UTY: variants seen among roughly 807,000 people sequenced by gnomAD.
UTY encodes the protein ubiquitously transcribed tetratricopeptide repeat containing, Y-linked, also known as histone demethylase UTY.
UTY carries 12 observed loss-of-function variants against 32.5 expected under a neutral mutation model. The observed-to-expected ratio is 0.37, with a 90% CI of 0.24 to 0.60. The LOEUF (loss-of-function observed/expected upper bound fraction) is 0.60. UTY is among the 20% of genes least tolerant of loss of function. UTY has a pLI of 0.69. For synonymous variants in UTY, 131 were observed against 103.4 expected (o/e 1.27, Z -1.62); for missense variants, 303 against 299.2 (o/e 1.01, Z -0.09).
At chrY:13,406,036 TA>T (rs2069919399) in intron 6 of UTY, among the ~76,000 whole-genome samples, 3 of 33,414 alleles carry the variant, frequency 9.0e-5, no homozygotes, top group African/African-American at 3.5e-4. Context: ...TTTATATAAT[TA>T]AAAGCAATTT....
chrY:13,282,795 G>A (rs949365507), intron 27 of UTY, among the ~76,000 whole-genome samples: 1 of 34,124 alleles, frequency 2.9e-5, no homozygotes, highest in Non-Finnish European at 7.4e-5. Context: ...TTCCCTGACC[G>A]GGAAACATGA....
intron 3 of UTY, among the ~76,000 whole-genome samples, chrY:13,469,653 T>C (rs752346441): frequency 3.0e-4 from 10 of 33,767 alleles, no homozygotes; most frequent in Non-Finnish European, 5.9e-4. Context: ...CACTGTATTC[T>C]AACCTGTATT....
At chrY:13,291,471 A>C (rs2057753703) in intron 27 of UTY, among the ~76,000 whole-genome samples, 3 of 33,358 alleles carry the variant, frequency 9.0e-5, no homozygotes, top group African/African-American at 3.6e-4. Context: ...AGAAAACCAA[A>C]CACCACATGT....
chrY:13,256,278 G>C, intron 28 of UTY, among the ~76,000 whole-genome samples: 5 of 33,614 alleles, frequency 1.5e-4, no homozygotes, highest in African/African-American at 5.8e-4. Flanking sequence ...AAAGGAGGCT[G>C]AGACAGAGTT....
At chrY:13,417,229 A>G in intron 4 of UTY, among the ~76,000 whole-genome samples, 1 of 33,589 alleles carries the variant, frequency 3.0e-5, no homozygotes, top group Non-Finnish European at 7.4e-5. Context: ...CTTTCAATAC[A>G]CAGTCAAAAT....
intron 8 of UTY, among the ~76,000 whole-genome samples, chrY:13,380,733 A>G: frequency 1.5e-4 from 5 of 32,719 alleles, no homozygotes; most frequent in African/African-American, 4.8e-4. Context: ...CAGCAATGAT[A>G]AATATTATCT....
intron 9 of UTY, among the ~76,000 whole-genome samples, chrY:13,367,374 A>G (rs1603441892): frequency 3.0e-5 from 1 of 33,352 alleles, no homozygotes; most frequent in African/African-American, 1.2e-4. Flanking sequence ...TCAAAGAGCC[A>G]TAAGAGTGGT....
chrY:13,252,142 T>A (rs2054263881), intron 28 of UTY, among the ~76,000 whole-genome samples: 1 of 21,383 alleles, frequency 4.7e-5, no homozygotes, highest in East Asian at 1.1e-3. Flanking sequence ...ATCCCGCCAC[T>A]GCACTCCAGC....
chrY:13,413,554 A>C, intron 5 of UTY, among the ~76,000 whole-genome samples: 2 of 34,605 alleles, frequency 5.8e-5, no homozygotes, highest in African/African-American at 2.3e-4. Context: ...GGGCTCAGAC[A>C]CCAGGACTCC....
intron 28 of UTY, among the ~76,000 whole-genome samples, chrY:13,256,328 T>C (rs2054718000): frequency 6.1e-5 from 2 of 33,027 alleles, no homozygotes; most frequent in East Asian, 8.1e-4. Context: ...CTCAAATAAA[T>C]AGAATAGATC....
chrY:13,345,161 T>C (rs2061796607), intron 17 of UTY, among the ~76,000 whole-genome samples: 1 of 33,281 alleles, frequency 3.0e-5, no homozygotes, highest in African/African-American at 1.2e-4. Flanking sequence ...CCCACTGCTG[T>C]TGTTGCAGGT....
chrY:13,440,121 G>A (rs1041035358), intron 4 of UTY, among the ~76,000 whole-genome samples: 2 of 32,453 alleles, frequency 6.2e-5, no homozygotes, highest in African/African-American at 1.2e-4. Context: ...CAGACCAGCC[G>A]ACCTCAGACC....
At chrY:13,263,921 C>T in intron 27 of UTY, among the ~76,000 whole-genome samples, 1 of 33,450 alleles carries the variant, frequency 3.0e-5, no homozygotes, top group Non-Finnish European at 7.4e-5. Flanking sequence ...TAATGCTATT[C>T]CTCCCCTAAC....
At chrY:13,354,904 A>C in intron 17 of UTY, 99 bp downstream of exon 17, 1 of 363,590 alleles carries the variant, frequency 2.8e-6, no homozygotes, top group Non-Finnish European at 3.8e-6. Context: ...TTTAAAGACA[A>C]AGCCATTCTT....
intron 17 of UTY, among the ~76,000 whole-genome samples, chrY:13,343,172 C>T (rs2061620433): frequency 3.0e-5 from 1 of 32,817 alleles, no homozygotes. Context: ...ATGGTATTGG[C>T]CCGTGGCATG....
At chrY:13,316,405 G>A in intron 21 of UTY, among the ~76,000 whole-genome samples, 1 of 32,532 alleles carries the variant, frequency 3.1e-5, no homozygotes, top group African/African-American at 1.2e-4. Context: ...CTCCTTTATG[G>A]AGTTTGTATT....
chrY:13,438,551 C>A, intron 4 of UTY, among the ~76,000 whole-genome samples: 1 of 33,932 alleles, frequency 2.9e-5, no homozygotes, highest in Non-Finnish European at 7.3e-5. Flanking sequence ...TGCTAAATAT[C>A]AAAGACTGTT....
intron 17 of UTY, among the ~76,000 whole-genome samples, chrY:13,349,300 T>C (rs2062170744): frequency 3.1e-5 from 1 of 32,306 alleles, no homozygotes; most frequent in African/African-American, 1.2e-4. Flanking sequence ...AAATACTCAA[T>C]GCCAAGCCTC....
At chrY:13,381,384 C>T (rs2066131694) in intron 8 of UTY, among the ~76,000 whole-genome samples, 3 of 33,833 alleles carry the variant, frequency 8.9e-5, no homozygotes, top group Admixed American at 2.7e-4. Flanking sequence ...ATTAGCAGGG[C>T]GTGGTGGCGC....
Sources: gnomAD v4.1 joint callset for allele counts (sites outside exome capture counted in the v4.1 genomes callset) on GRCh38, gnomAD v4.1.1 for gene constraint, MANE v1.5 for transcripts, NCBI Gene and HGNC (gene_info 2026-07-23, HGNC 2026-07-21) for gene names.